The following RABGAP1L variants were observed in gnomAD, a reference collection of about 807,000 sequenced individuals.
RABGAP1L encodes rab GTPase-activating protein 1-like.
RABGAP1L carries 63 observed loss-of-function variants against 137.7 expected under a neutral mutation model. The observed-to-expected ratio is 0.46, with a 90% CI of 0.37 to 0.56. The LOEUF (loss-of-function observed/expected upper bound fraction) is 0.56. RABGAP1L is among the 20% of genes least tolerant of loss of function. The probability of loss-of-function intolerance (pLI) is 0.00; values close to 1 mark genes in which losing one functional copy is unlikely to be tolerated. For synonymous variants in RABGAP1L, 431 were observed against 433.7 expected, an observed-to-expected ratio of 0.99 and a Z score of 0.08; for missense variants, 1,095 against 1,244.0, an observed-to-expected ratio of 0.88 and a Z score of 1.80.
intron 18 of RABGAP1L, among the ~76,000 whole-genome samples, chr1:174,797,787 CT>C (rs1688385486): frequency 6.6e-6 from 1 of 151,708 alleles, no homozygotes; most frequent in African/African-American, 2.4e-5. Flanking sequence ...CCTTTTCCTT[CT>C]TATGGCCTCC....
chr1:174,270,655 TCAAAAAGAA>T (rs1674481776), intron 7 of RABGAP1L, among the ~76,000 whole-genome samples: 1 of 152,036 alleles, frequency 6.6e-6, no homozygotes, highest in Non-Finnish European at 1.5e-5. Context: ...CTTTAAATTT[TCAAAAAGAA>T]CAAAAAGAAA....
chr1:174,240,727 T>C lies in RABGAP1L; in HGVS notation c.543-756T>C, dbSNP rs1161038067. ...TTAGATAAACTAATAGGTGCTGCTC[T>C]GTATAGAAGTGGGCTCTCCAGGAAT... is the stretch of plus-strand genomic sequence containing the variant. On this transcript the variant is annotated intron_variant, in intron 4 of 25. Transcript: ENST00000681986. Among the ~76,000 whole-genome samples, 18 of 152,226 alleles carry C rather than the reference T, an allele frequency of 1.2e-4. 1 individual carries two copies. The highest frequency in any genetic ancestry group is 1.1e-3 in the Admixed American group (17 of 15,284).
At position 174,443,968 on chromosome 1, in the gene RABGAP1L, T is replaced by G. The variant is rs144238902; in HGVS notation, c.1710+49823T>G. ...TCAACAGTGTATTTTCTTGGTGCCTTTCCTGAATTTAGGTTGACTATAAAT... is the reference window on the plus strand; with the variant it reads ...TCAACAGTGTATTTTCTTGGTGCCTGTCCTGAATTTAGGTTGACTATAAAT... On this transcript the variant is annotated intron_variant, in intron 13 of 25. Coordinates refer to ENST00000681986, the MANE Select transcript of RABGAP1L (RefSeq NM_001366446.1). 1.2e-3 allele frequency among the ~76,000 whole-genome samples: 177 copies of G among 152,214 alleles called. 1 individual carries two copies. Among genetic ancestry groups the G allele is most frequent in the African/African-American group, 4.2e-3 (173 of 41,568 alleles).
chr1:174,777,682 A>G (rs529961784), intron 18 of RABGAP1L, among the ~76,000 whole-genome samples: 158 of 152,356 alleles, frequency 1.0e-3, no homozygotes, highest in African/African-American at 3.6e-3. Flanking sequence ...AAGTAAAGAA[A>G]TGCAAGATAT....
chr1:174,683,822 T>C (rs1678264773), intron 15 of RABGAP1L, among the ~76,000 whole-genome samples: 1 of 152,192 alleles, frequency 6.6e-6, no homozygotes, highest in Non-Finnish European at 1.5e-5. Flanking sequence ...AATTGCTTAT[T>C]TGGAGTTATT....
chr1:174,409,906 C>G (rs1347355201), intron 13 of RABGAP1L, among the ~76,000 whole-genome samples: 1 of 152,198 alleles, frequency 6.6e-6, no homozygotes, highest in Non-Finnish European at 1.5e-5. Flanking sequence ...ACGTGCACAG[C>G]TGAACATAGA....
chr1:174,337,118 C>T (rs61828628), intron 11 of RABGAP1L, among the ~76,000 whole-genome samples: 2,548 of 152,026 alleles, frequency 0.017, 23 homozygotes, highest in Non-Finnish European at 0.028. Context: ...CACACATTTA[C>T]TAGATCACAG....
intron 14 of RABGAP1L, among the ~76,000 whole-genome samples, chr1:174,665,334 G>T (rs918978825): frequency 5.7e-4 from 86 of 151,638 alleles, no homozygotes; most frequent in African/African-American, 1.8e-3. Context: ...CTGCCTGCCT[G>T]CCTTCCTTCC....
intron 13 of RABGAP1L, among the ~76,000 whole-genome samples, chr1:174,465,244 G>T (rs1657159648): frequency 6.6e-6 from 1 of 152,140 alleles, no homozygotes; most frequent in Non-Finnish European, 1.5e-5. Context: ...CTGTCACCCA[G>T]GCTGGAGTGC....
intron 13 of RABGAP1L, among the ~76,000 whole-genome samples, chr1:174,609,057 T>C (rs1293232130): frequency 6.6e-6 from 1 of 152,168 alleles, no homozygotes; most frequent in Non-Finnish European, 1.5e-5. Context: ...TTAACACTTA[T>C]GCCTAATTAC....
chr1:174,489,370 A>G (rs1415220045), intron 13 of RABGAP1L, among the ~76,000 whole-genome samples: 1 of 152,194 alleles, frequency 6.6e-6, no homozygotes, highest in Non-Finnish European at 1.5e-5. Flanking sequence ...TGGACGAAGG[A>G]TATGAACAGA....
chr1:174,598,250 C>T (rs962629847), intron 13 of RABGAP1L, among the ~76,000 whole-genome samples: 9 of 149,920 alleles, frequency 6.0e-5, no homozygotes, highest in African/African-American at 2.2e-4. Flanking sequence ...ATCCCTTGAA[C>T]CCGGGAGGCG....
chr1:174,931,918 G>C lies in RABGAP1L; in HGVS notation c.2341-25539G>C, dbSNP rs140030923. 7.5e-5 allele frequency among the ~76,000 whole-genome samples: 11 copies of C among 147,360 alleles called. No individual in the cohort carries two copies. The East Asian group carries it at 2.3e-3, about 31-fold the overall frequency. ...GCCTTCCATTTTGTACCTAGGGGTA[G>C]ATTTTTGAGGCTTGCCTGCTTACCA... On this transcript the variant is annotated intron_variant, in intron 19 of 25. Coordinates refer to ENST00000681986, the MANE Select transcript of RABGAP1L (RefSeq NM_001366446.1).
At chr1:174,616,948 G>C (rs1054509206) in intron 13 of RABGAP1L, among the ~76,000 whole-genome samples, 6 of 152,176 alleles carry the variant, frequency 3.9e-5, no homozygotes, top group Non-Finnish European at 7.4e-5. Flanking sequence ...ATCCAGGAGA[G>C]ATAAAATAAA....
chr1:174,171,827 C>T (rs1041649144), intron 1 of RABGAP1L, among the ~76,000 whole-genome samples: 1 of 151,890 alleles, frequency 6.6e-6, no homozygotes, highest in African/African-American at 2.4e-5. Flanking sequence ...ATGGTGAAAA[C>T]CCGTCTCTAC....
chr1:174,865,076 C>T (rs1263622474), intron 19 of RABGAP1L, among the ~76,000 whole-genome samples: 2 of 152,112 alleles, frequency 1.3e-5, no homozygotes, highest in Non-Finnish European at 1.5e-5. Context: ...CAAGAGATTG[C>T]GCCACTGCAC....
chr1:174,513,593 A>G (rs1449649349), intron 13 of RABGAP1L, among the ~76,000 whole-genome samples: 1 of 152,208 alleles, frequency 6.6e-6, no homozygotes, highest in African/African-American at 2.4e-5. Context: ...AGCCTAGGCA[A>G]CAGAGCAAGA....
In RABGAP1L at chr1:174,683,573, C is replaced by T. The variant is rs771936937; in HGVS notation, c.1876C>T (p.Leu626Phe). 1 of 1,608,676 alleles carries T rather than the reference C, an allele frequency of 6.2e-7. No homozygotes were observed. Among genetic ancestry groups the T allele is most frequent in the Non-Finnish European group, 8.5e-7 (1 of 1,175,174 alleles). Residue 626 changes from leucine to phenylalanine, a missense_variant, in exon 15 of 26, where the codon CTT becomes TTT. Around this residue, in one of 4 missense-constraint regions of RABGAP1L, gnomAD observed 315 missense variants for 324.8 expected, o/e 0.97. Coordinates refer to ENST00000681986, the MANE Select transcript of RABGAP1L (RefSeq NM_001366446.1). The stretch of plus-strand genomic sequence containing the variant: ...TGGGTACTGTCAAGGGCAGTCTTTT[C>T]TTGCTGCTGTATTACTGCTGCATGT... ...DIGYCQGQSF[L>F]AAVLLLHMPE...
intron 18 of RABGAP1L, among the ~76,000 whole-genome samples, chr1:174,771,911 T>C (rs1686138620): frequency 6.6e-6 from 1 of 152,244 alleles, no homozygotes; most frequent in African/African-American, 2.4e-5. Context: ...TTAAAACTAA[T>C]CTTCACGGCC....
Sources: allele counts gnomAD v4.1 joint callset (sites outside exome capture counted in the v4.1 genomes callset), GRCh38; gene constraint gnomAD v4.1.1; regional missense constraint gnomAD v4.1.1; transcripts MANE v1.5; gene names NCBI Gene and HGNC (gene_info 2026-07-23, HGNC 2026-07-21).